BICC1: variants seen among roughly 807,000 people sequenced by gnomAD.
BICC1 encodes the protein BicC family RNA binding protein 1, also known as protein bicaudal C homolog 1.
A neutral mutation model predicts 111.0 loss-of-function variants in BICC1; 43 were observed. The ratio of observed to expected loss-of-function variants is 0.39; its 90% CI spans 0.30 to 0.50. BICC1 has a LOEUF of 0.50. Ranked by LOEUF, BICC1 falls within the 20% of genes least tolerant of loss-of-function variation. The probability of loss-of-function intolerance (pLI) is 0.88; values close to 1 mark genes in which losing one functional copy is unlikely to be tolerated. For synonymous variants in BICC1, 467 were observed against 434.4 expected (o/e 1.07, Z -0.93); for missense variants, 1,091 against 1,203.2 (o/e 0.91, Z 1.38).
At chr10:58,642,871 AT>A (rs1338149901) in intron 2 of BICC1, among the ~76,000 whole-genome samples, 1 of 151,662 alleles carries the variant, frequency 6.6e-6, no homozygotes, top group East Asian at 1.9e-4. Context: ...TGCTCGGCTA[AT>A]TTTTTTTACT....
intron 2 of BICC1, among the ~76,000 whole-genome samples, chr10:58,694,351 A>G (rs543344345): frequency 1.3e-5 from 2 of 152,318 alleles, no homozygotes; most frequent in East Asian, 3.9e-4. Context: ...GCAGTCACCA[A>G]CAAACTTCAG....
chr10:58,815,235 A>G (rs1844052019), intron 18 of BICC1, among the ~76,000 whole-genome samples: 2 of 152,234 alleles, frequency 1.3e-5, no homozygotes, highest in South Asian at 2.1e-4. Context: ...CACTCATGTC[A>G]GCTGTATTAT....
chr10:58,669,333 T>G (rs566027060), intron 2 of BICC1, among the ~76,000 whole-genome samples: 1 of 152,212 alleles, frequency 6.6e-6, no homozygotes, highest in South Asian at 2.1e-4. Context: ...TGCTTGCCAT[T>G]TAATAAACTC....
At chr10:58,547,821 ATTGTTGTTG>A (rs1843181131) in intron 1 of BICC1, among the ~76,000 whole-genome samples, 2 of 151,994 alleles carry the variant, frequency 1.3e-5, no homozygotes, top group African/African-American at 4.8e-5. Context: ...CCACTGTTGC[ATTGTTGTTG>A]TTTTTGAGTA....
At chr10:58,783,841 T>A (rs1229471516) in intron 3 of BICC1, among the ~76,000 whole-genome samples, 2 of 152,202 alleles carry the variant, frequency 1.3e-5, no homozygotes, top group African/African-American at 2.4e-5. Context: ...ATAGAACTTT[T>A]GACTTATCCT....
chr10:58,723,411 A>G (rs1158545960), intron 3 of BICC1, among the ~76,000 whole-genome samples: 1 of 152,180 alleles, frequency 6.6e-6, no homozygotes, highest in East Asian at 1.9e-4. Context: ...AAACTTGCCA[A>G]GATGAACTGA....
chr10:58,660,147 G>A (rs1449080324), intron 2 of BICC1, among the ~76,000 whole-genome samples: 2 of 152,126 alleles, frequency 1.3e-5, no homozygotes, highest in Non-Finnish European at 2.9e-5. Flanking sequence ...TGAGCCACAG[G>A]ACTCCAAATC....
At chr10:58,630,296 A>G (rs1037942895) in intron 2 of BICC1, among the ~76,000 whole-genome samples, 1 of 152,158 alleles carries the variant, frequency 6.6e-6, no homozygotes. Context: ...AGCTGTGAAT[A>G]AGTGGTGAAG....
chr10:58,781,749 T>G (rs1842890256), intron 3 of BICC1, among the ~76,000 whole-genome samples: 1 of 152,170 alleles, frequency 6.6e-6, no homozygotes, highest in South Asian at 2.1e-4. Flanking sequence ...TAACAGTCAT[T>G]GAAAAACAGA....
chr10:58,622,778 A>G (rs973966721), intron 2 of BICC1, among the ~76,000 whole-genome samples: 23 of 152,214 alleles, frequency 1.5e-4, no homozygotes, highest in Admixed American at 2.6e-4. Context: ...GAATGAAGTA[A>G]TGGAGAAATA....
intron 2 of BICC1, among the ~76,000 whole-genome samples, chr10:58,699,983 C>T (rs1840182222): frequency 6.6e-6 from 1 of 152,224 alleles, no homozygotes; most frequent in South Asian, 2.1e-4. Context: ...TGAGCTACTG[C>T]ATGCAGCCTT....
chr10:58,716,691 A>AATGAATCTTTTTTAGCATTAGAATG (rs1564571347), intron 3 of BICC1, among the ~76,000 whole-genome samples: 19 of 151,836 alleles, frequency 1.3e-4, no homozygotes, highest in African/African-American at 4.6e-4. Context: ...TTACATTAAT[A>AATGAATCTTTTTTAGCATTAGAATG]TTTCAAAACC....
At chr10:58,618,042 A>C (rs920890399) in intron 1 of BICC1, among the ~76,000 whole-genome samples, 2 of 151,156 alleles carry the variant, frequency 1.3e-5, no homozygotes, top group African/African-American at 4.9e-5. Flanking sequence ...CACTAGAAAA[A>C]CTCCCTCTGC....
chr10:58,595,493 A>G (rs1157585206), intron 1 of BICC1, among the ~76,000 whole-genome samples: 3 of 152,220 alleles, frequency 2.0e-5, no homozygotes, highest in African/African-American at 7.2e-5. Flanking sequence ...AATGCAAAAG[A>G]ATGGAAATCA....
At chr10:58,578,789 C>A (rs935062585) in intron 1 of BICC1, among the ~76,000 whole-genome samples, 1 of 152,130 alleles carries the variant, frequency 6.6e-6, no homozygotes, top group Non-Finnish European at 1.5e-5. Flanking sequence ...GAGCCATGCC[C>A]CCTCTCCCAC....
At chr10:58,777,064 C>A (rs879561311) in intron 3 of BICC1, among the ~76,000 whole-genome samples, 1 of 151,356 alleles carries the variant, frequency 6.6e-6, no homozygotes, top group South Asian at 2.1e-4. Flanking sequence ...GGTAGTTTAT[C>A]CTTTTCCAAT....
chr10:58,773,275 C>G (rs1220165225), intron 3 of BICC1, among the ~76,000 whole-genome samples: 1 of 152,092 alleles, frequency 6.6e-6, no homozygotes, highest in Non-Finnish European at 1.5e-5. Flanking sequence ...AGAAAGGAGA[C>G]CAACACAAAT....
chr10:58,597,541 C>T (rs1844856355), intron 1 of BICC1, among the ~76,000 whole-genome samples: 1 of 152,098 alleles, frequency 6.6e-6, no homozygotes, highest in African/African-American at 2.4e-5. Flanking sequence ...AGTTTGAGAG[C>T]AGAGAACCAG....
At chr10:58,704,877 A>G (rs1840344390) in intron 3 of BICC1, among the ~76,000 whole-genome samples, 1 of 152,160 alleles carries the variant, frequency 6.6e-6, no homozygotes, top group African/African-American at 2.4e-5. Flanking sequence ...CTAGACAAAC[A>G]TTTTTCGTGG....
Sources: allele counts gnomAD v4.1 joint callset (sites outside exome capture counted in the v4.1 genomes callset), GRCh38; gene constraint gnomAD v4.1.1; transcripts MANE v1.5; gene names NCBI Gene and HGNC (gene_info 2026-07-23, HGNC 2026-07-21).